DPP6: variants seen among roughly 807,000 people sequenced by gnomAD.
The protein encoded by DPP6 is dipeptidyl peptidase like 6.
In DPP6, 69 loss-of-function variants were observed where a neutral mutation model predicts 122.6. The ratio of observed to expected loss-of-function variants is 0.56; its 90% confidence interval spans 0.46 to 0.69. The LOEUF (loss-of-function observed/expected upper bound fraction) is 0.69, where lower values mean the gene tolerates loss of function less well. Ranked by LOEUF, DPP6 falls within the 30% of genes least tolerant of loss-of-function variation. DPP6 has a pLI of 0.00. For missense variants in DPP6, 928 were observed against 1,116.9 expected, an observed-to-expected ratio of 0.83 and a Z score of 2.41; for synonymous variants, 418 against 433.1, an observed-to-expected ratio of 0.97 and a Z score of 0.43.
At chr7:153,918,448 ACACACACACACACACACACT>A (rs1459822248) in intron 1 of DPP6, among the ~76,000 whole-genome samples, 3 of 135,666 alleles carry the variant, frequency 2.2e-5, no homozygotes, top group East Asian at 2.4e-4. Context: ...ACACACACAC[ACACACACACACACACACACT>A]CTCTCTCTCT....
At chr7:154,346,499 G>T (rs1051392584) in intron 1 of DPP6, among the ~76,000 whole-genome samples, 4 of 152,032 alleles carry the variant, frequency 2.6e-5, no homozygotes, top group Non-Finnish European at 5.9e-5. Flanking sequence ...TAGAGACGAG[G>T]TTTCACCATG....
At chr7:154,845,264 G>A (rs1393468733) in intron 16 of DPP6, among the ~76,000 whole-genome samples, 1 of 152,226 alleles carries the variant, frequency 6.6e-6, no homozygotes, top group African/African-American at 2.4e-5. Context: ...CTGTCTGTGT[G>A]AGATGGGGTT....
At chr7:154,019,379 A>C (rs1798589233) in intron 1 of DPP6, among the ~76,000 whole-genome samples, 1 of 143,348 alleles carries the variant, frequency 7.0e-6, no homozygotes, top group Non-Finnish European at 1.5e-5. Flanking sequence ...TTCTCTTTCT[A>C]TTTCTTCTTT....
chr7:154,325,645 AG>A (rs201042407), intron 1 of DPP6, among the ~76,000 whole-genome samples: 1,561 of 152,306 alleles, frequency 0.01, 15 homozygotes, highest in Non-Finnish European at 0.018. Flanking sequence ...TGATTCAGAA[AG>A]TTGGTTCTTT....
At position 154,821,574 on chromosome 7, in the gene DPP6, A is replaced by T. The variant is rs1164028950; in HGVS notation, c.1666+14462A>T. Among the ~76,000 whole-genome samples the T allele has an allele frequency of 6.7e-6, 1 of 148,696 alleles. No homozygotes were observed. The highest frequency in any genetic ancestry group is 6.8e-5 in the Admixed American group (1 of 14,654). On this transcript the variant is annotated intron_variant, in intron 16 of 25. Transcript: ENST00000377770. This position sits in a 1 kb window ranked among gnomAD's most constrained non-coding sequence, Gnocchi z 4.2. ...AGCTTTCAAACACTTTTAGAGGCAC[A>T]ATCAGTTTTCAAATGAAATGTTAAG...
At chr7:153,849,011 T>C in the DPP6 span, among the ~76,000 whole-genome samples, 1 of 152,206 alleles carries the variant, frequency 6.6e-6, no homozygotes, top group Non-Finnish European at 1.5e-5. Context: ...GGTTTATGTC[T>C]TTATGTTTAT....
intron 1 of DPP6, among the ~76,000 whole-genome samples, chr7:154,044,848 C>T (rs1799942363): frequency 6.6e-6 from 1 of 152,074 alleles, no homozygotes; most frequent in African/African-American, 2.4e-5. Flanking sequence ...AGCAATGAGT[C>T]CAAACTAGAG....
chr7:154,258,677 G>A (rs1802813999), intron 1 of DPP6, among the ~76,000 whole-genome samples: 2 of 152,136 alleles, frequency 1.3e-5, no homozygotes, highest in Admixed American at 1.3e-4. Flanking sequence ...GCTCCCTCAG[G>A]GCCCCTGGAA....
intron 1 of DPP6, among the ~76,000 whole-genome samples, chr7:154,099,291 T>C (rs1805569516): frequency 6.6e-6 from 1 of 152,170 alleles, no homozygotes; most frequent in Non-Finnish European, 1.5e-5. Context: ...ATGCCAAATA[T>C]ATTCCAGGCA....
At chr7:153,933,194 A>C (rs971058065) in intron 1 of DPP6, among the ~76,000 whole-genome samples, 1 of 152,202 alleles carries the variant, frequency 6.6e-6, no homozygotes, top group African/African-American at 2.4e-5. Context: ...TGTAACCTCT[A>C]AGTTTCCTCA....
intron 1 of DPP6, among the ~76,000 whole-genome samples, chr7:154,393,648 A>C (rs1398128892): frequency 1.3e-5 from 2 of 151,886 alleles, no homozygotes; most frequent in African/African-American, 4.8e-5. Flanking sequence ...TAAAATATAT[A>C]TAACATAAAA....
chr7:154,828,036 A>G (rs1271984202), intron 16 of DPP6, among the ~76,000 whole-genome samples: 1 of 152,124 alleles, frequency 6.6e-6, no homozygotes, highest in African/African-American at 2.4e-5. Context: ...GTCTTTCTAA[A>G]CGCAGCGCTG....
intron 1 of DPP6, among the ~76,000 whole-genome samples, chr7:154,429,756 G>A (rs868608224): frequency 6.6e-6 from 1 of 152,282 alleles, no homozygotes; most frequent in African/African-American, 2.4e-5. Context: ...CTGGAGTACC[G>A]GGGTTAGGCA....
chr7:154,348,365 G>A (rs1364624351), intron 1 of DPP6, among the ~76,000 whole-genome samples: 4 of 152,194 alleles, frequency 2.6e-5, no homozygotes, highest in African/African-American at 9.7e-5. Flanking sequence ...AGCATTGTAG[G>A]TTTTAATCAA....
intron 19 of DPP6, among the ~76,000 whole-genome samples, chr7:154,874,391 C>A (rs558492874): frequency 6.6e-6 from 1 of 152,306 alleles, no homozygotes; most frequent in Admixed American, 6.5e-5. Flanking sequence ...GGCCAGGCAA[C>A]CCCACCCCCT....
intron 1 of DPP6, among the ~76,000 whole-genome samples, chr7:154,211,910 T>C (rs1331810647): frequency 1.3e-5 from 2 of 152,174 alleles, no homozygotes; most frequent in East Asian, 1.9e-4. Flanking sequence ...CCATTATGAA[T>C]TGACGTGGTG....
intron 1 of DPP6, among the ~76,000 whole-genome samples, chr7:153,931,733 T>C (rs1801179658): frequency 6.6e-6 from 1 of 152,252 alleles, no homozygotes; most frequent in African/African-American, 2.4e-5. Flanking sequence ...CTAATGTGTT[T>C]ATCTTGAACT....
chr7:153,832,267 T>G, the DPP6 span, among the ~76,000 whole-genome samples: 1 of 152,238 alleles, frequency 6.6e-6, no homozygotes, highest in Non-Finnish European at 1.5e-5. Context: ...TTCTTCTCGA[T>G]TTAAACGAAA....
intron 10 of DPP6, among the ~76,000 whole-genome samples, chr7:154,775,901 G>T (rs1209255284): frequency 6.6e-6 from 1 of 152,074 alleles, no homozygotes; most frequent in Non-Finnish European, 1.5e-5. Context: ...CATGGTCCAG[G>T]GCAACTCCAC....
Sources: gnomAD v4.1 joint callset for allele counts (sites outside exome capture counted in the v4.1 genomes callset) on GRCh38, gnomAD v4.1.1 for gene constraint, Gnocchi (gnomAD v3.1) non-coding constraint, MANE v1.5 for transcripts, NCBI Gene and HGNC (gene_info 2026-07-23, HGNC 2026-07-21) for gene names.